The following CKLF variants were observed in gnomAD, a reference collection of about 807,000 sequenced individuals.
The protein encoded by CKLF is chemokine-like factor.
Under a neutral mutation model 12.9 loss-of-function variants are expected in CKLF, and 16 were observed. The observed-to-expected ratio is 1.24, with a 90% CI of 0.84 to 1.88. The LOEUF is 1.88. Among genes scored for constraint, CKLF ranks in the 40% most tolerant of loss-of-function variants. The probability of loss-of-function intolerance (pLI) is 0.00; values close to 1 mark genes in which losing one functional copy is unlikely to be tolerated. For missense variants in CKLF, 172 were observed against 188.5 expected (o/e 0.91, Z 0.51); for synonymous variants, 61 against 69.0 (o/e 0.88, Z 0.57).
intron 2 of CKLF, among the ~76,000 whole-genome samples, chr16:66,559,540 A>ACT (rs1296004646): frequency 1.3e-5 from 2 of 152,196 alleles, no homozygotes; most frequent in Non-Finnish European, 2.9e-5. Context: ...GATAATGAAC[A>ACT]CTGGTCCACA....
chr16:66,558,105 G>T, intron 1 of CKLF, 85 bp from the exon 2 acceptor site: 1 of 1,570,772 alleles, frequency 6.4e-7, no homozygotes, highest in Non-Finnish European at 8.6e-7. Flanking sequence ...ACTGTGCCCA[G>T]CCTATTATTT....
intron 2 of CKLF, 173 bp downstream of exon 2, chr16:66,558,521 A>G (rs2011540271): frequency 1.2e-6 from 1 of 847,594 alleles, no homozygotes; most frequent in Middle Eastern, 3.8e-4. Flanking sequence ...GAGGGTCTCA[A>G]GGATGCAGGG....
intron 1 of CKLF, among the ~76,000 whole-genome samples, chr16:66,556,691 T>C (rs1280873358): frequency 6.6e-6 from 1 of 152,240 alleles, no homozygotes; most frequent in Non-Finnish European, 1.5e-5. Context: ...ATAGTAATTA[T>C]ATTAATTATA....
chr16:66,565,671 C>A, intron 3 of CKLF: 1 of 560,786 alleles, frequency 1.8e-6, no homozygotes, highest in Non-Finnish European at 3.2e-6. Flanking sequence ...CTTAAATTAT[C>A]TTTTCTCTTT....
chr16:66,560,112 G>T (rs2011611794), intron 2 of CKLF, among the ~76,000 whole-genome samples: 1 of 152,154 alleles, frequency 6.6e-6, no homozygotes, highest in African/African-American at 2.4e-5. Flanking sequence ...GAGGGCTGAA[G>T]GATGAAACGT....
In CKLF at chr16:66,558,279, C is replaced by G. The variant is rs753659189; in HGVS notation, c.168C>G (p.Ile56Met). 6.2e-6 allele frequency: 10 copies of G among 1,613,784 alleles called. No individual in the cohort carries two copies. Among genetic ancestry groups the G allele is most frequent in the Non-Finnish European group, 8.5e-6 (10 of 1,179,960 alleles). The change falls in exon 2 of 4, where the codon ATC (isoleucine) becomes ATG (methionine). Residue 56 changes from isoleucine to methionine, a missense_variant. Physicochemically the swap from Ile to Met is conservative, Grantham distance 10 (BLOSUM62 1). Coordinates refer to ENST00000264001, the MANE Select transcript of CKLF (RefSeq NM_016951.4). ...IVITGFEVTVILFFILLYVLR... is the reference protein window; with the variant it reads ...IVITGFEVTVMLFFILLYVLR... ...TCACTGGATTTGAAGTCACCGTTAT[C>G]TTATTTTTCATACTTTTATATGTAC...
chr16:66,565,674 T>G (rs1164293372), intron 3 of CKLF: 1 of 566,906 alleles, frequency 1.8e-6, no homozygotes, highest in African/African-American at 1.9e-5. Flanking sequence ...AAATTATCTT[T>G]TCTCTTTCTA....
At chr16:66,555,763 A>G (rs569004717) in intron 1 of CKLF, among the ~76,000 whole-genome samples, 1 of 152,334 alleles carries the variant, frequency 6.6e-6, no homozygotes, top group Admixed American at 6.5e-5. Flanking sequence ...CATGTTAGAA[A>G]TTTCATCATG....
chr16:66,566,181 G>A (rs1039500019), downstream of CKLF: 16 of 1,543,312 alleles, frequency 1.0e-5, 2 homozygotes, highest in South Asian at 1.9e-4. This position sits in a 1 kb window ranked among gnomAD's most constrained non-coding sequence, Gnocchi z 4.9. Context: ...TGGGAGCAGC[G>A]GGATCGGGTT....
chr16:66,565,609 G>A, intron 3 of CKLF: 1 of 434,580 alleles, frequency 2.3e-6, no homozygotes. Flanking sequence ...AGAGATAAAA[G>A]CAAACAAGTA....
At position 66,557,052 on chromosome 16, in the gene CKLF, G is replaced by GT. The variant is rs16970048; in HGVS notation, c.79-1129dup. Among the ~76,000 whole-genome samples, 314 of 151,272 alleles carry GT rather than the reference G, an allele frequency of 2.1e-3. 1 individual carries two copies. The South Asian group carries it at 0.033, about 16-fold the overall frequency. On this transcript the variant is annotated intron_variant, in intron 1 of 3. Transcript: ENST00000264001. ...ATGAAGAAATTTCAGAGTTTTTTATGTTTTTTTTTCCACTTAAAATAGCAT... is the reference window on the plus strand; with the variant it reads ...ATGAAGAAATTTCAGAGTTTTTTATGTTTTTTTTTTCCACTTAAAATAGCAT...
chr16:66,558,675 A>G (rs2011546823), intron 2 of CKLF: 1 of 212,538 alleles, frequency 4.7e-6, no homozygotes, highest in African/African-American at 2.3e-5. Context: ...AATCTTTATT[A>G]CCTATTTGGA....
rs375374500 is a variant in CKLF, at chr16:66,558,245, A to G, written c.134A>G (p.Tyr45Cys). The G allele has an allele frequency of 6.2e-7, 1 of 1,613,762 alleles. No homozygotes were observed. Among genetic ancestry groups the G allele is most frequent in the African/African-American group, 1.3e-5 (1 of 74,894 alleles). The change falls in exon 2 of 4, where the codon TAT becomes TGT. Residue 45 changes from tyrosine (Y) to cysteine (C), a missense_variant. Coordinates refer to ENST00000264001, the MANE Select transcript of CKLF (RefSeq NM_016951.4). The stretch of plus-strand genomic sequence containing the variant: ...ATCATCGCACAAGCCCCTGAACCAT[A>G]TATTGTTATCACTGGATTTGAAGTC... ...FFIIAQAPEP[Y>C]IVITGFEVTV...
At chr16:66,552,876 C>T (rs1965860975) in intron 1 of CKLF, 83 bp downstream of exon 1, 2 of 1,595,478 alleles carry the variant, frequency 1.3e-6, no homozygotes, top group Non-Finnish European at 1.7e-6. Context: ...AAGCTGAACG[C>T]CTGTTTGCTT....
intron 2 of CKLF, 60 bp from the exon 3 acceptor site, chr16:66,563,062 T>C: frequency 6.2e-7 from 1 of 1,601,338 alleles, no homozygotes; most frequent in African/African-American, 1.3e-5. Context: ...TTTTTGTTTT[T>C]CCTTTTTAGC....
chr16:66,552,591 T>G lies in CKLF; in HGVS notation c.-125T>G. 2 of 1,473,802 alleles carry G rather than the reference T, an allele frequency of 1.4e-6. No homozygotes were observed. Among genetic ancestry groups the G allele is most frequent in the South Asian group, 1.2e-5 (1 of 82,384 alleles). The allele number at this position is 1,473,802 out of a possible 1,614,324, so 91.3% of individuals were successfully genotyped here. A position where few individuals can be genotyped will look rare whatever the true frequency, so the allele number is the denominator to read the frequency against. On this transcript the variant is annotated 5_prime_UTR_variant, in exon 1 of 4. Transcript: ENST00000264001. Reference sequence around the variant, plus strand: ...CGCGCAAGAGAGCGGGAAGCCGAGCTGGGCGAGAAGTAGGGGAGGGCGGTG... The same window carrying G: ...CGCGCAAGAGAGCGGGAAGCCGAGCGGGGCGAGAAGTAGGGGAGGGCGGTG...
At chr16:66,553,172 CA>C (rs557341545) in intron 1 of CKLF, among the ~76,000 whole-genome samples, 4 of 150,068 alleles carry the variant, frequency 2.7e-5, no homozygotes, top group African/African-American at 9.8e-5. Flanking sequence ...AAAACAAAAA[CA>C]AAAAAAAACC....
chr16:66,552,867 A>T, intron 1 of CKLF, 74 bp downstream of exon 1: 1 of 1,604,704 alleles, frequency 6.2e-7, no homozygotes, highest in Non-Finnish European at 8.5e-7. Context: ...TGAAGTGCAA[A>T]GCTGAACGCC....
At chr16:66,553,183 C>T (rs182279784) in intron 1 of CKLF, among the ~76,000 whole-genome samples, 1 of 152,090 alleles carries the variant, frequency 6.6e-6, no homozygotes, top group East Asian at 1.9e-4. Context: ...AAAAAAAAAC[C>T]CTTTTTTTAA....
Sources: allele counts gnomAD v4.1 joint callset (sites outside exome capture counted in the v4.1 genomes callset), GRCh38; gene constraint gnomAD v4.1.1; non-coding constraint Gnocchi (gnomAD v3.1); transcripts MANE v1.5; gene names NCBI Gene and HGNC (gene_info 2026-07-23, HGNC 2026-07-21).